The following SYT7 variants were observed in gnomAD, a reference collection of about 807,000 sequenced individuals.
The protein encoded by SYT7 is synaptotagmin 7, also known as synaptotagmin-7.
Under a neutral mutation model 75.1 loss-of-function variants are expected in SYT7, and 29 were observed. The ratio of observed to expected loss-of-function variants is 0.39; its 90% confidence interval spans 0.29 to 0.53. The LOEUF (loss-of-function observed/expected upper bound fraction) is 0.53, where lower values mean the gene tolerates loss of function less well. Among genes scored for constraint, SYT7 ranks in the 20% least tolerant of loss-of-function variants. The pLI is 0.77. For missense variants in SYT7, 693 were observed against 953.2 expected (o/e 0.73, Z 3.59); for synonymous variants, 376 against 401.7 (o/e 0.94, Z 0.76).
At chr11:61,559,556 G>A (rs1346321011) in intron 1 of SYT7, among the ~76,000 whole-genome samples, 1 of 152,098 alleles carries the variant, frequency 6.6e-6, no homozygotes, top group Non-Finnish European at 1.5e-5. Flanking sequence ...CTCATGATCT[G>A]GTAGCTACAG....
intron 6 of SYT7, among the ~76,000 whole-genome samples, chr11:61,538,964 T>C (rs1015312089): frequency 3.3e-5 from 5 of 152,178 alleles, no homozygotes; most frequent in Non-Finnish European, 7.3e-5. Context: ...CAGAGGAGAA[T>C]GAAAGTCCTT....
At chr11:61,579,301 G>A (rs559066991) in intron 1 of SYT7, among the ~76,000 whole-genome samples, 7 of 152,360 alleles carry the variant, frequency 4.6e-5, no homozygotes, top group African/African-American at 1.4e-4. Flanking sequence ...GCTGGAAGCC[G>A]GCGGCCTCTT....
In SYT7 at chr11:61,546,055, G is replaced by T; in HGVS notation, c.548C>A (p.Ala183Asp). 1 of 1,533,534 alleles carries T rather than the reference G, an allele frequency of 6.5e-7. No individual in the cohort carries two copies. Among genetic ancestry groups the T allele is most frequent in the Non-Finnish European group, 8.7e-7 (1 of 1,145,794 alleles). 95.0% of individuals were successfully genotyped at this position (1,533,534 alleles called of 1,614,324 possible). The part of the protein sequence containing the change: ...GRWRTVQSHL[A>D]AGKLNLSNFE... ...CTTGGACAAGTTGAGCTTCCCTGCG[G>T]CCAGGTGGCTCTGCACCGTCCGCCA... Residue 183 changes from alanine to aspartate, a missense_variant, in exon 5 of 13, where the codon GCC (alanine) becomes GAC (aspartate). Physicochemically the swap from Ala to Asp is moderately radical, Grantham distance 126. This residue lies in a region of SYT7 where 487 missense variants were observed against 593.2 expected (regional missense o/e 0.82). Coordinates refer to ENST00000539008, the MANE Select transcript of SYT7 (RefSeq NM_001365809.2). The surrounding 1 kb of genome is among the most constrained non-coding windows in gnomAD (Gnocchi z 7.6).
Position 61,529,150 on chromosome 11 carries a change from C to A in SYT7, c.1201-965G>T, listed in dbSNP as rs142664318. Reference sequence around the variant, plus strand: ...GTTAGGGGGCTGTATGGCTCAGGTACCCTGGCTCGAAAATCTCCCGTGATG... The same window carrying A: ...GTTAGGGGGCTGTATGGCTCAGGTAACCTGGCTCGAAAATCTCCCGTGATG... On this transcript the variant is annotated intron_variant, in intron 8 of 12. Coordinates refer to ENST00000539008, the MANE Select transcript of SYT7 (RefSeq NM_001365809.2). 1.2e-3 allele frequency among the ~76,000 whole-genome samples: 190 copies of A among 152,212 alleles called. 2 individuals are homozygous for A. In the East Asian group the frequency reaches 0.035, roughly 28 times the overall value.
chr11:61,536,075 A>C (rs1590862937), intron 7 of SYT7, among the ~76,000 whole-genome samples: 1 of 152,038 alleles, frequency 6.6e-6, no homozygotes, highest in Admixed American at 6.5e-5. Context: ...GTGGCAGCCC[A>C]CCACCCGAGA....
chr11:61,554,236 G>A (rs901221119), intron 2 of SYT7, among the ~76,000 whole-genome samples: 2 of 152,048 alleles, frequency 1.3e-5, no homozygotes, highest in Non-Finnish European at 2.9e-5. Flanking sequence ...GCATGGGGGT[G>A]GGGTGGAGAC....
chr11:61,537,487 C>A (rs568511487), intron 7 of SYT7, among the ~76,000 whole-genome samples: 1 of 152,204 alleles, frequency 6.6e-6, no homozygotes, highest in Non-Finnish European at 1.5e-5. Flanking sequence ...CGAGGCCAGC[C>A]GCAGTGAAAA....
intron 1 of SYT7, among the ~76,000 whole-genome samples, chr11:61,567,884 C>T (rs957777637): frequency 6.6e-6 from 1 of 152,274 alleles, no homozygotes; most frequent in Non-Finnish European, 1.5e-5. Context: ...TCCAGCCTGT[C>T]TGACTGCATC....
Position 61,553,491 on chromosome 11 carries a change from G to A in SYT7, c.136-2028C>T, listed in dbSNP as rs1389951260. On this transcript the variant is annotated intron_variant, in intron 2 of 12. Coordinates refer to ENST00000539008, the MANE Select transcript of SYT7 (RefSeq NM_001365809.2). This position sits in a 1 kb window ranked among gnomAD's most constrained non-coding sequence, Gnocchi z 5.2. ...GCACGGTCAGCCCTTTCCGAGCAGCGCCCCCACAGACATCCTGGGAGCCTC... is the reference window on the plus strand; with the variant it reads ...GCACGGTCAGCCCTTTCCGAGCAGCACCCCCACAGACATCCTGGGAGCCTC... 1.3e-5 allele frequency among the ~76,000 whole-genome samples: 2 copies of A among 152,134 alleles called. No individual in the cohort carries two copies. The highest frequency in any genetic ancestry group is 2.4e-5 in the African/African-American group (1 of 41,424).
chr11:61,554,994 T>C (rs1462111349), intron 2 of SYT7, among the ~76,000 whole-genome samples: 2 of 152,218 alleles, frequency 1.3e-5, no homozygotes, highest in African/African-American at 2.4e-5. Context: ...TCTGGGACTC[T>C]CAGGTCTTTC....
chr11:61,552,899 A>G (rs1321545847), intron 2 of SYT7, among the ~76,000 whole-genome samples: 2 of 152,138 alleles, frequency 1.3e-5, no homozygotes, highest in Admixed American at 1.3e-4. Context: ...CATCACATAT[A>G]TGAGTATTTC....
Position 61,528,014 on chromosome 11 carries a change from C to T in SYT7, c.1372G>A (p.Val458Ile), listed in dbSNP as rs753360206. The change falls in exon 9 of 13, where the codon GTC (valine) becomes ATC (isoleucine). Residue 458 changes from valine (V) to isoleucine (I), a missense_variant. Transcript: ENST00000539008. ...TTGTCGGGCAGCAGGTAGATCTTGA[C>T]GAAGGGGTCGCTGGTGCCGCTGAAG... ...KDFSGTSDPF[V>I]KIYLLPDKKH... The T allele has an allele frequency of 6.8e-6, 11 of 1,614,012 alleles. No individual in the cohort carries two copies. The highest frequency in any genetic ancestry group is 1.6e-4 in the Middle Eastern group (1 of 6,084).
At chr11:61,583,772 C>G (rs182043619), upstream of SYT7, among the ~76,000 whole-genome samples, 1 of 152,188 alleles carries the variant, frequency 6.6e-6, no homozygotes, top group East Asian at 1.9e-4. Flanking sequence ...ACAAGAGAAA[C>G]GCCATGAGAT....
At chr11:61,571,947 C>A (rs2063933470) in intron 1 of SYT7, among the ~76,000 whole-genome samples, 1 of 152,196 alleles carries the variant, frequency 6.6e-6, no homozygotes, top group Non-Finnish European at 1.5e-5. Flanking sequence ...CTCCTCTGAC[C>A]AAGTTACCAT....
rs750255604 is a variant in SYT7 at position 61,524,352 on chromosome 11, T to A, written c.1641+11A>T. On this transcript the variant is annotated intron_variant, in intron 10 of 12. Transcript: ENST00000539008. The surrounding 1 kb of genome is among the most constrained non-coding windows in gnomAD (Gnocchi z 4.1). Reference sequence around the variant, plus strand: ...TGCCTGTCCAGCTAAGACCCACCCATGGGGCCTTACACTCCCATCGCTGCA... The same window carrying A: ...TGCCTGTCCAGCTAAGACCCACCCAAGGGGCCTTACACTCCCATCGCTGCA... 2 of 1,613,710 alleles carry A rather than the reference T, an allele frequency of 1.2e-6. No homozygotes were observed. Among genetic ancestry groups the A allele is most frequent in the Non-Finnish European group, 1.7e-6 (2 of 1,179,782 alleles).
At chr11:61,531,394 G>C (rs1394635964) in intron 8 of SYT7, among the ~76,000 whole-genome samples, 1 of 152,182 alleles carries the variant, frequency 6.6e-6, no homozygotes, top group Non-Finnish European at 1.5e-5. Context: ...GGCTGTGCAG[G>C]GAGGCAGGGT....
At position 61,542,186 on chromosome 11, in the gene SYT7, C is replaced by CG; in HGVS notation, c.941+24dup. 1 of 1,527,268 alleles carries CG rather than the reference C, an allele frequency of 6.5e-7. No individual in the cohort carries two copies. The highest frequency in any genetic ancestry group is 1.2e-5 in the South Asian group (1 of 83,046). The allele number at this position is 1,527,268 out of a possible 1,614,324, so 94.6% of individuals were successfully genotyped here. A position where few individuals can be genotyped will look rare whatever the true frequency, so the allele number is the denominator to read the frequency against. ...GAGGCTGGGTCAGGGAGGTGGGGGC[C>CG]GGCCCGCTCAAGGGGAGGACTTACA... On this transcript the variant is annotated intron_variant, in intron 6 of 12. Coordinates refer to ENST00000539008, the MANE Select transcript of SYT7 (RefSeq NM_001365809.2). The surrounding 1 kb of genome is among the most constrained non-coding windows in gnomAD (Gnocchi z 7.8).
chr11:61,534,991 G>A (rs2062825174), intron 7 of SYT7, among the ~76,000 whole-genome samples: 1 of 152,246 alleles, frequency 6.6e-6, no homozygotes, highest in African/African-American at 2.4e-5. Flanking sequence ...GAAGATATGA[G>A]AACGTTAGAG....
chr11:61,527,891 G>T (rs201899119), intron 9 of SYT7, 24 bp downstream of exon 9: 1 of 1,610,550 alleles, frequency 6.2e-7, no homozygotes, highest in South Asian at 1.1e-5. Context: ...TGACCATGGC[G>T]GGGGAAGGTG....
Sources: gnomAD v4.1 joint callset for allele counts (sites outside exome capture counted in the v4.1 genomes callset) on GRCh38, gnomAD v4.1.1 for gene constraint, gnomAD v4.1.1 regional missense constraint, Gnocchi (gnomAD v3.1) non-coding constraint, MANE v1.5 for transcripts, NCBI Gene and HGNC (gene_info 2026-07-23, HGNC 2026-07-21) for gene names.